The following PITPNM2 variants were observed in gnomAD, a reference collection of about 807,000 sequenced individuals.
PITPNM2 encodes membrane-associated phosphatidylinositol transfer protein 2.
A neutral mutation model predicts 132.2 loss-of-function variants in PITPNM2; 35 were observed. That is an observed-to-expected ratio of 0.26 (90% confidence interval 0.20 to 0.35). The LOEUF (loss-of-function observed/expected upper bound fraction) is 0.35, where lower values mean the gene tolerates loss of function less well. Ranked by LOEUF, PITPNM2 falls within the 10% of genes least tolerant of loss-of-function variation. PITPNM2 has a pLI of 1.00. For synonymous variants in PITPNM2, 738 were observed against 799.2 expected, an observed-to-expected ratio of 0.92 and a Z score of 1.29; for missense variants, 1,332 against 1,912.0, an observed-to-expected ratio of 0.70 and a Z score of 5.66.
intron 1 of PITPNM2, among the ~76,000 whole-genome samples, chr12:123,147,472 C>T (rs533317165): frequency 8.5e-5 from 13 of 152,214 alleles, no homozygotes; most frequent in Admixed American, 7.2e-4. Context: ...AGCAATGTTA[C>T]TTACTATATT....
rs1228509190 is a variant in PITPNM2, at chr12:122,993,302, G to T, written c.2234-633C>A. ...GTGCTGGCTAGGGCAGCCCTGCCCTGCCTGTATCGGAAAATGTTTCCCCTT... is the reference window on the plus strand; with the variant it reads ...GTGCTGGCTAGGGCAGCCCTGCCCTTCCTGTATCGGAAAATGTTTCCCCTT... On this transcript the variant is annotated intron_variant, in intron 15 of 25. Coordinates refer to ENST00000320201, the MANE Select transcript of PITPNM2 (RefSeq NM_020845.3). This position sits in a 1 kb window ranked among gnomAD's most constrained non-coding sequence, Gnocchi z 5.2. 1.3e-5 allele frequency among the ~76,000 whole-genome samples: 2 copies of T among 152,162 alleles called. No homozygotes were observed. Among genetic ancestry groups the T allele is most frequent in the African/African-American group, 2.4e-5 (1 of 41,442 alleles).
rs144644248 is a variant in PITPNM2 at position 122,992,527 on chromosome 12, C to T, written c.2376G>A (p.Pro792=). The T allele has an allele frequency of 6.9e-5, 111 of 1,610,948 alleles. No individual in the cohort carries two copies. In the African/African-American group the frequency reaches 1.0e-3, roughly 15 times the overall value. ...PFSVPRYQRY[P]LGDGCSTLLA... ...GCAGCGTGGAGCAGCCATCCCCCAG[C>T]GGGTAGCGTTGGTAGCGGGGGACGC... Residue 792 remains proline, a synonymous_variant, in exon 16 of 26, where the codon CCG becomes CCA. Coordinates refer to ENST00000320201, the MANE Select transcript of PITPNM2 (RefSeq NM_020845.3). This position sits in a 1 kb window ranked among gnomAD's most constrained non-coding sequence, Gnocchi z 6.5.
At position 123,099,967 on chromosome 12, in the gene PITPNM2, C is replaced by T. The variant is rs1330166646; in HGVS notation, c.-96+10418G>A. On this transcript the variant is annotated intron_variant, in intron 2 of 25. Transcript: ENST00000320201. The surrounding 1 kb of genome is among the most constrained non-coding windows in gnomAD (Gnocchi z 4.2). ...GCACCCAGGTGTGCAGGCATCCATG[C>T]CCGGGGGAAGTAAGAATTGCAGGTG... Among the ~76,000 whole-genome samples, 1 of 152,176 alleles carries T rather than the reference C, an allele frequency of 6.6e-6. No individual in the cohort carries two copies. The highest frequency in any genetic ancestry group is 6.5e-5 in the Admixed American group (1 of 15,274).
At chr12:123,146,720 G>C (rs1409164822) in intron 1 of PITPNM2, among the ~76,000 whole-genome samples, 2 of 151,608 alleles carry the variant, frequency 1.3e-5, no homozygotes, top group Non-Finnish European at 2.9e-5. Flanking sequence ...GCAGAGGTTT[G>C]TCCTGGTGTT....
intron 3 of PITPNM2, among the ~76,000 whole-genome samples, chr12:123,018,034 T>TC (rs2039506175): frequency 2.8e-5 from 3 of 106,666 alleles, no homozygotes; most frequent in Non-Finnish European, 5.7e-5. Flanking sequence ...CTTCCTTCCT[T>TC]CCTCCCTCCC....
chr12:123,117,173 A>G lies in PITPNM2; in HGVS notation c.-199-6685T>C, dbSNP rs2042949768. Among the ~76,000 whole-genome samples, 1 of 152,218 alleles carries G rather than the reference A, an allele frequency of 6.6e-6. No homozygotes were observed. Among genetic ancestry groups the G allele is most frequent in the African/African-American group, 2.4e-5 (1 of 41,452 alleles). On this transcript the variant is annotated intron_variant, in intron 1 of 25. Transcript: ENST00000320201. The surrounding 1 kb of genome is among the most constrained non-coding windows in gnomAD (Gnocchi z 4.7). ...GTTGCTGAGAGACGTTAGTGCTTAAATGAGTCTTAGGAAGAGAGTAGTCTT... is the reference window on the plus strand; with the variant it reads ...GTTGCTGAGAGACGTTAGTGCTTAAGTGAGTCTTAGGAAGAGAGTAGTCTT...
chr12:123,115,375 A>G (rs1338838511), intron 1 of PITPNM2, among the ~76,000 whole-genome samples: 1 of 152,204 alleles, frequency 6.6e-6, no homozygotes, highest in Non-Finnish European at 1.5e-5. Context: ...TTGCAGGGCC[A>G]TTAAAAGACT....
rs567774130 is a variant in PITPNM2 at position 123,111,957 on chromosome 12, C to T, written c.-199-1469G>A. Among the ~76,000 whole-genome samples the T allele has an allele frequency of 8.5e-5, 13 of 152,206 alleles. No individual in the cohort carries two copies. The highest frequency in any genetic ancestry group is 2.2e-4 in the African/African-American group (9 of 41,530). ...GAGGGTTGAGGGTTTGCCATGGTAA[C>T]GCACCCATCAATGGCGAGCCAGATT... On this transcript the variant is annotated intron_variant, in intron 1 of 25. Transcript: ENST00000320201. The surrounding 1 kb of genome is among the most constrained non-coding windows in gnomAD (Gnocchi z 4.1).
chr12:123,054,554 C>T (rs559385261), intron 2 of PITPNM2, among the ~76,000 whole-genome samples: 2 of 152,314 alleles, frequency 1.3e-5, no homozygotes, highest in Admixed American at 1.3e-4. Context: ...TGTCCTCTTC[C>T]ATGCAGTCCA....
chr12:122,992,393 T>C lies in PITPNM2; in HGVS notation c.2404+106A>G. The C allele has an allele frequency of 8.5e-7, 1 of 1,182,134 alleles. No homozygotes were observed. Among genetic ancestry groups the C allele is most frequent in the Non-Finnish European group, 1.1e-6 (1 of 891,108 alleles). 73.2% of individuals were successfully genotyped at this position (1,182,134 alleles called of 1,614,324 possible). ...TCCAAGAGGCATTCAGCACAAGCTG[T>C]CCCTCTCACCTGGGGAAGAACCACG... On this transcript the variant is annotated intron_variant, in intron 16 of 25. Transcript: ENST00000320201. The surrounding 1 kb of genome is among the most constrained non-coding windows in gnomAD (Gnocchi z 6.5).
chr12:123,039,035 GAGA>G (rs915634466), intron 2 of PITPNM2, among the ~76,000 whole-genome samples: 94 of 150,892 alleles, frequency 6.2e-4, no homozygotes, highest in African/African-American at 2.0e-3. Context: ...GGGTAGGTGT[GAGA>G]AGGACTCAAT....
chr12:122,996,847 A>T lies in PITPNM2; in HGVS notation c.1536T>A (p.Ala512=). 6.3e-7 allele frequency: 1 copy of T among 1,598,204 alleles called. No homozygotes were observed. The highest frequency in any genetic ancestry group is 8.5e-7 in the Non-Finnish European group (1 of 1,175,942). Residue 512 remains alanine, a synonymous_variant, in exon 12 of 26, where the codon GCT becomes GCA. Coordinates refer to ENST00000320201, the MANE Select transcript of PITPNM2 (RefSeq NM_020845.3). ...LSSSQDHIPL[A]ALPLLATSSP... ...AGGAGGTGGCCAGCAGGGGGAGGGC[A>T]GCCAGGGGAATGTGGTCCTGACTGC...
chr12:122,996,984 A>G, intron 11 of PITPNM2, 74 bp from the exon 12 acceptor site: 2 of 1,357,908 alleles, frequency 1.5e-6, no homozygotes, highest in South Asian at 2.9e-5. Context: ...CCCTGACCTG[A>G]GTCTCAGCCA....
intron 12 of PITPNM2, 60 bp downstream of exon 12, chr12:122,996,661 G>A (rs2038442239): frequency 1.2e-6 from 2 of 1,611,206 alleles, no homozygotes; most frequent in Non-Finnish European, 8.5e-7. Flanking sequence ...TCCCCCTGAG[G>A]CCAGCCCGCC....
chr12:123,146,393 G>A (rs938925105), intron 1 of PITPNM2, among the ~76,000 whole-genome samples: 1 of 152,016 alleles, frequency 6.6e-6, no homozygotes, highest in East Asian at 1.9e-4. Context: ...TCAGGAGTTC[G>A]AGACCAGCCT....
chr12:123,081,748 G>C (rs965853030), intron 2 of PITPNM2: 2 of 152,216 alleles, frequency 1.3e-5, no homozygotes, highest in Non-Finnish European at 2.9e-5. Context: ...CCAGGGGAAG[G>C]GGGCACTGTG....
Position 123,102,680 on chromosome 12 carries a change from G to A in PITPNM2, c.-96+7705C>T, listed in dbSNP as rs184830331. 2.6e-4 allele frequency among the ~76,000 whole-genome samples: 39 copies of A among 152,224 alleles called. No individual in the cohort carries two copies. In the East Asian group the frequency reaches 6.9e-3, roughly 27 times the overall value. ...TCATTCTGAATCCCACTAGCCACAG[G>A]AAACCTTAAAGCTTGTCATTAGAGC... On this transcript the variant is annotated intron_variant, in intron 2 of 25. Transcript: ENST00000320201.
rs1449470234 is a variant in PITPNM2 at position 123,099,762 on chromosome 12, C to A, written c.-96+10623G>T. Reference sequence around the variant, plus strand: ...AGTCCCACCTACAGCCTCTCAGATCCCACAGCTGGCGCACTATCCTTAGGA... The same window carrying A: ...AGTCCCACCTACAGCCTCTCAGATCACACAGCTGGCGCACTATCCTTAGGA... On this transcript the variant is annotated intron_variant, in intron 2 of 25. Transcript: ENST00000320201. The surrounding 1 kb of genome is among the most constrained non-coding windows in gnomAD (Gnocchi z 4.2). Among the ~76,000 whole-genome samples, 1 of 152,122 alleles carries A rather than the reference C, an allele frequency of 6.6e-6. No homozygotes were observed. The highest frequency in any genetic ancestry group is 2.4e-5 in the African/African-American group (1 of 41,414).
At chr12:123,136,671 G>A (rs1483159027) in intron 1 of PITPNM2, among the ~76,000 whole-genome samples, 2 of 151,976 alleles carry the variant, frequency 1.3e-5, no homozygotes. Flanking sequence ...GCTGAGGTGG[G>A]TGGATCACGA....
Sources: allele counts gnomAD v4.1 joint callset (sites outside exome capture counted in the v4.1 genomes callset), GRCh38; gene constraint gnomAD v4.1.1; non-coding constraint Gnocchi (gnomAD v3.1); transcripts MANE v1.5; gene names NCBI Gene and HGNC (gene_info 2026-07-23, HGNC 2026-07-21).